The following CTNND2 variants were observed in gnomAD, a reference collection of about 807,000 sequenced individuals.
The protein encoded by CTNND2 is catenin delta-2.
Under a neutral mutation model 144.4 loss-of-function variants are expected in CTNND2, and 22 were observed. The ratio of observed to expected loss-of-function variants is 0.15; its 90% CI spans 0.11 to 0.22. CTNND2 has a LOEUF of 0.22. CTNND2 is among the 10% of genes least tolerant of loss of function. The pLI is 1.00. For synonymous variants in CTNND2, 751 were observed against 695.6 expected (o/e 1.08, Z -1.25); for missense variants, 1,353 against 1,618.8 (o/e 0.84, Z 2.82).
intron 11 of CTNND2, among the ~76,000 whole-genome samples, chr5:11,187,423 C>T (rs1037153054): frequency 1.1e-4 from 17 of 152,204 alleles, no homozygotes; most frequent in Admixed American, 2.0e-4. Flanking sequence ...GAAACTGGAC[C>T]GCTTCCTTAC....
chr5:11,495,567 C>A (rs193296892), intron 3 of CTNND2, among the ~76,000 whole-genome samples: 1 of 152,294 alleles, frequency 6.6e-6, no homozygotes, highest in Non-Finnish European at 1.5e-5. Flanking sequence ...AGTCCAGATA[C>A]AAGCTGAGAC....
chr5:11,052,326 C>T (rs1011125533), intron 16 of CTNND2, among the ~76,000 whole-genome samples: 3 of 152,104 alleles, frequency 2.0e-5, no homozygotes, highest in African/African-American at 7.2e-5. Flanking sequence ...CCAATACTCC[C>T]CTGACACACA....
intron 11 of CTNND2, among the ~76,000 whole-genome samples, chr5:11,162,075 G>A (rs1230034675): frequency 2.7e-5 from 4 of 147,928 alleles, no homozygotes; most frequent in Admixed American, 6.7e-5. Flanking sequence ...GCTTGAACCT[G>A]GGAGTGGGGG....
chr5:11,898,499 T>C (rs549385477), intron 1 of CTNND2, among the ~76,000 whole-genome samples: 3 of 152,316 alleles, frequency 2.0e-5, no homozygotes, highest in Non-Finnish European at 4.4e-5. Context: ...ATGTTACTAA[T>C]ACACTTCTCT....
chr5:11,674,792 C>A (rs2126610341), intron 2 of CTNND2, among the ~76,000 whole-genome samples: 1 of 152,266 alleles, frequency 6.6e-6, no homozygotes, highest in Middle Eastern at 3.4e-3. Flanking sequence ...GTGGTGCAAT[C>A]TCAGCTCACT....
intron 1 of CTNND2, among the ~76,000 whole-genome samples, chr5:11,891,342 G>C (rs1357775000): frequency 6.6e-6 from 1 of 152,140 alleles, no homozygotes; most frequent in East Asian, 1.9e-4. Flanking sequence ...CATTCATTTA[G>C]GGAGTAATTC....
intron 9 of CTNND2, among the ~76,000 whole-genome samples, chr5:11,282,699 T>A (rs1263130722): frequency 7.9e-5 from 12 of 152,216 alleles, no homozygotes. Flanking sequence ...TGATAAAAAG[T>A]GGGCTTTCAT....
chr5:11,889,339 G>C (rs1226396503), intron 1 of CTNND2, among the ~76,000 whole-genome samples: 1 of 152,144 alleles, frequency 6.6e-6, no homozygotes, highest in African/African-American at 2.4e-5. Context: ...ATGATTTTAA[G>C]ATACAATTTA....
chr5:11,861,089 T>TA (rs1795482866), intron 1 of CTNND2, among the ~76,000 whole-genome samples: 1 of 152,308 alleles, frequency 6.6e-6, no homozygotes, highest in African/African-American at 2.4e-5. Context: ...CTCTCCCACA[T>TA]ACATGTTCTG....
chr5:11,785,557 T>G (rs1274184305), intron 1 of CTNND2, among the ~76,000 whole-genome samples: 1 of 152,044 alleles, frequency 6.6e-6, no homozygotes, highest in Non-Finnish European at 1.5e-5. Flanking sequence ...GAAGCAAGCA[T>G]TAGATGGAAA....
intron 2 of CTNND2, among the ~76,000 whole-genome samples, chr5:11,578,766 T>C (rs1286732666): frequency 3.9e-5 from 6 of 152,196 alleles, no homozygotes; most frequent in African/African-American, 1.4e-4. Context: ...GTTAAGTGAA[T>C]AAATCAGTAT....
intron 3 of CTNND2, among the ~76,000 whole-genome samples, chr5:11,464,492 A>G (rs1051212856): frequency 1.3e-5 from 2 of 152,200 alleles, no homozygotes; most frequent in African/African-American, 4.8e-5. Context: ...AGTGGGGGCA[A>G]CAGGGCTCCA....
intron 10 of CTNND2, 39 bp from the exon 11 acceptor site, chr5:11,199,700 A>G: frequency 6.6e-7 from 1 of 1,507,994 alleles, no homozygotes; most frequent in Non-Finnish European, 9.2e-7. Flanking sequence ...TTTACAGTGT[A>G]AGGTTTCCCT....
chr5:11,710,325 G>C (rs538412327), intron 2 of CTNND2, among the ~76,000 whole-genome samples: 2 of 151,996 alleles, frequency 1.3e-5, no homozygotes, highest in Non-Finnish European at 2.9e-5. Context: ...GGTGGATCAC[G>C]AGGTCAAGGG....
At chr5:11,373,301 T>G (rs1757627355) in intron 7 of CTNND2, among the ~76,000 whole-genome samples, 1 of 152,174 alleles carries the variant, frequency 6.6e-6, no homozygotes, top group South Asian at 2.1e-4. Context: ...GGTCTCAAAC[T>G]CCTGAGCTCA....
At chr5:11,037,611 AT>A (rs1472400798) in intron 16 of CTNND2, among the ~76,000 whole-genome samples, 1 of 152,192 alleles carries the variant, frequency 6.6e-6, no homozygotes, top group Non-Finnish European at 1.5e-5. Flanking sequence ...CCTCAACAAA[AT>A]GATACAAATT....
intron 9 of CTNND2, among the ~76,000 whole-genome samples, chr5:11,276,159 C>T (rs1303335170): frequency 6.6e-6 from 1 of 152,188 alleles, no homozygotes; most frequent in Non-Finnish European, 1.5e-5. Context: ...AAATGTCTCC[C>T]TGGCTTCTGA....
At chr5:10,993,009 T>G (rs1194271050) in intron 18 of CTNND2, among the ~76,000 whole-genome samples, 5 of 152,190 alleles carry the variant, frequency 3.3e-5, no homozygotes, top group Non-Finnish European at 7.3e-5. Flanking sequence ...CTGTCTATTT[T>G]TTGCCGACCT....
chr5:11,161,092 G>A (rs1758725800), intron 11 of CTNND2, among the ~76,000 whole-genome samples: 2 of 152,148 alleles, frequency 1.3e-5, no homozygotes, highest in East Asian at 1.9e-4. Flanking sequence ...TTCAGTACAG[G>A]GGGTTAACCT....
Sources: allele counts gnomAD v4.1 joint callset (sites outside exome capture counted in the v4.1 genomes callset), GRCh38; gene constraint gnomAD v4.1.1; transcripts MANE v1.5; gene names NCBI Gene and HGNC (gene_info 2026-07-23, HGNC 2026-07-21).